Variants in FGF14 observed in about 807,000 individuals in gnomAD.
The protein encoded by FGF14 is fibroblast growth factor homologous factor 4.
In FGF14, 5 loss-of-function variants were observed where a neutral mutation model predicts 25.5. The observed-to-expected ratio is 0.20, with a 90% CI of 0.10 to 0.41. The LOEUF (loss-of-function observed/expected upper bound fraction) is 0.41, where lower values mean the gene tolerates loss of function less well. Among genes scored for constraint, FGF14 ranks in the 10% least tolerant of loss-of-function variants. FGF14 has a pLI of 1.00. For synonymous variants in FGF14, 138 were observed against 118.3 expected (o/e 1.17, Z -1.08); for missense variants, 222 against 320.1 (o/e 0.69, Z 2.34).
intron 3 of FGF14, among the ~76,000 whole-genome samples, chr13:101,853,273 T>C (rs1296852507): frequency 1.3e-5 from 2 of 152,000 alleles, no homozygotes; most frequent in South Asian, 2.1e-4. Context: ...CATGGGGAAG[T>C]ATCTGACCTC....
At chr13:101,840,448 T>C (rs956208500) in intron 3 of FGF14, among the ~76,000 whole-genome samples, 1 of 151,726 alleles carries the variant, frequency 6.6e-6, no homozygotes, top group Non-Finnish European at 1.5e-5. Context: ...GTGATGCATA[T>C]ACAATAACTC....
At chr13:102,161,593 A>T (rs1432639724) in intron 1 of FGF14, among the ~76,000 whole-genome samples, 1 of 3,920 alleles carries the variant, frequency 2.6e-4, no homozygotes, top group Non-Finnish European at 3.7e-4. Flanking sequence ...GAAGAAGAAG[A>T]AGAAGAAGAA....
At chr13:102,255,853 A>G (rs1002345040) in intron 1 of FGF14, among the ~76,000 whole-genome samples, 28 of 152,240 alleles carry the variant, frequency 1.8e-4, no homozygotes, top group Admixed American at 1.8e-3. Context: ...ATTGTGAGTG[A>G]GCATGCTGCT....
chr13:102,290,742 G>T (rs2054347117), intron 1 of FGF14, among the ~76,000 whole-genome samples: 1 of 152,124 alleles, frequency 6.6e-6, no homozygotes, highest in African/African-American at 2.4e-5. Context: ...CCCGAGCTAG[G>T]TCCAGGGCTA....
At chr13:102,068,539 G>GC (rs1474815518) in intron 1 of FGF14, among the ~76,000 whole-genome samples, 1 of 152,206 alleles carries the variant, frequency 6.6e-6, no homozygotes, top group Non-Finnish European at 1.5e-5. Flanking sequence ...TTCCGGGTGG[G>GC]CATGGGCTTG....
intron 1 of FGF14, among the ~76,000 whole-genome samples, chr13:102,032,638 T>C (rs2041266838): frequency 2.0e-5 from 3 of 152,148 alleles, no homozygotes; most frequent in Admixed American, 6.6e-5. Flanking sequence ...GGCTGCACTA[T>C]GTGGGCCACC....
chr13:102,041,402 C>T (rs2041728861), intron 1 of FGF14, among the ~76,000 whole-genome samples: 1 of 151,618 alleles, frequency 6.6e-6, no homozygotes, highest in South Asian at 2.1e-4. Context: ...CAAATTCAAG[C>T]TGATACATAT....
intron 1 of FGF14, among the ~76,000 whole-genome samples, chr13:102,075,707 A>T (rs1383172732): frequency 6.6e-6 from 1 of 152,146 alleles, no homozygotes; most frequent in Middle Eastern, 3.2e-3. Context: ...GTCCTTCAGG[A>T]GGTCTTCCAG....
At chr13:102,188,510 C>G (rs1462206806) in intron 1 of FGF14, among the ~76,000 whole-genome samples, 1 of 152,198 alleles carries the variant, frequency 6.6e-6, no homozygotes, top group Non-Finnish European at 1.5e-5. Flanking sequence ...CTAACACATT[C>G]TTTCTTCTTG....
At chr13:102,286,958 A>G (rs755066921) in intron 1 of FGF14, among the ~76,000 whole-genome samples, 15 of 150,074 alleles carry the variant, frequency 1.0e-4, no homozygotes, top group Non-Finnish European at 2.1e-4. Context: ...AATGGTTGTG[A>G]TATTTGAGCT....
At chr13:102,228,835 T>A (rs1210196058) in intron 1 of FGF14, among the ~76,000 whole-genome samples, 1 of 152,206 alleles carries the variant, frequency 6.6e-6, no homozygotes, top group Non-Finnish European at 1.5e-5. Flanking sequence ...ACCTCTGTCC[T>A]ATGCAAGCTG....
chr13:102,399,443 G>A (rs571439712), intron 1 of FGF14, among the ~76,000 whole-genome samples: 1 of 152,300 alleles, frequency 6.6e-6, no homozygotes, highest in South Asian at 2.1e-4. Context: ...TTTTTGCAGT[G>A]TAAAGCAGTC....
At chr13:102,245,819 T>C (rs9300725) in intron 1 of FGF14, among the ~76,000 whole-genome samples, 20,927 of 151,972 alleles carry the variant, frequency 0.14, 1,794 homozygotes, top group East Asian at 0.39. Flanking sequence ...TATTTAAAAT[T>C]TAAATTTTTG....
At chr13:102,392,088 T>C (rs2058445593) in intron 1 of FGF14, among the ~76,000 whole-genome samples, 1 of 152,198 alleles carries the variant, frequency 6.6e-6, no homozygotes, top group Non-Finnish European at 1.5e-5. Flanking sequence ...AGCTACACCT[T>C]TAAGATGCAG....
intron 1 of FGF14, among the ~76,000 whole-genome samples, chr13:102,260,080 G>A (rs1012790616): frequency 6.6e-6 from 1 of 151,978 alleles, no homozygotes; most frequent in African/African-American, 2.4e-5. Flanking sequence ...CGGGGAGGAG[G>A]AGGAGTCAGA....
chr13:102,056,953 T>G (rs543853008), intron 1 of FGF14, among the ~76,000 whole-genome samples: 1 of 151,720 alleles, frequency 6.6e-6, no homozygotes, highest in Non-Finnish European at 1.5e-5. Context: ...GTTTTTCAAC[T>G]TTTAAAATTT....
At chr13:101,905,503 G>A (rs2032127430) in intron 1 of FGF14, among the ~76,000 whole-genome samples, 1 of 151,964 alleles carries the variant, frequency 6.6e-6, no homozygotes, top group South Asian at 2.1e-4. Context: ...GTTGGACAAT[G>A]AGAACACATG....
At chr13:102,054,653 T>C (rs1829906542) in intron 1 of FGF14, among the ~76,000 whole-genome samples, 1 of 152,198 alleles carries the variant, frequency 6.6e-6, no homozygotes, top group Non-Finnish European at 1.5e-5. Context: ...TACCAAGTAT[T>C]GCTACATCCT....
At chr13:101,788,963 G>GAC (rs1566904019) in intron 3 of FGF14, among the ~76,000 whole-genome samples, 1 of 46,284 alleles carries the variant, frequency 2.2e-5, no homozygotes, top group Non-Finnish European at 5.4e-5. Context: ...GAGAGAGAGA[G>GAC]AGAGAGACAG....
Sources: allele counts gnomAD v4.1 joint callset (sites outside exome capture counted in the v4.1 genomes callset), GRCh38; gene constraint gnomAD v4.1.1; transcripts MANE v1.5; gene names NCBI Gene and HGNC (gene_info 2026-07-23, HGNC 2026-07-21).